The following THADA variants were observed in gnomAD, a reference collection of about 807,000 sequenced individuals.
The protein encoded by THADA is THADA armadillo repeat containing, also known as tRNA (32-2'-O)-methyltransferase regulator THADA.
In THADA, 213 loss-of-function variants were observed where a neutral mutation model predicts 219.8. The ratio of observed to expected loss-of-function variants is 0.97; its 90% confidence interval spans 0.87 to 1.09. THADA has a LOEUF of 1.09. Among genes scored for constraint, THADA ranks in the 50% least tolerant of loss-of-function variants. THADA has a pLI of 0.00. For missense variants in THADA, 2,956 were observed against 2,311.3 expected (o/e 1.28, Z -5.72); for synonymous variants, 1,018 against 828.9 (o/e 1.23, Z -3.92).
chr2:43,504,515 G>T (rs1243546655), intron 24 of THADA, among the ~76,000 whole-genome samples: 1 of 152,158 alleles, frequency 6.6e-6, no homozygotes, highest in Non-Finnish European at 1.5e-5. Flanking sequence ...TGTACTTATC[G>T]TACTTGATTG....
At chr2:43,321,760 A>G (rs1296063078) in intron 30 of THADA, among the ~76,000 whole-genome samples, 1 of 152,240 alleles carries the variant, frequency 6.6e-6, no homozygotes, top group Non-Finnish European at 1.5e-5. Flanking sequence ...AATGTGGCAC[A>G]GTAAACTTAA....
chr2:43,295,072 A>G (rs1005773988), intron 31 of THADA, among the ~76,000 whole-genome samples: 2 of 152,174 alleles, frequency 1.3e-5, no homozygotes, highest in Non-Finnish European at 2.9e-5. Flanking sequence ...CAGCCTGGAC[A>G]ACACTGTGAA....
intron 13 of THADA, among the ~76,000 whole-genome samples, chr2:43,571,379 T>C (rs1407824011): frequency 1.3e-5 from 2 of 150,952 alleles, no homozygotes; most frequent in South Asian, 2.1e-4. Context: ...GCCTCCCAAA[T>C]AGCTAGGACT....
In THADA at chr2:43,567,437, ATGTCCAACATGAAACCC is replaced by A. The variant is rs1175509105; in HGVS notation, c.2188-633_2188-617del. Reference sequence around the variant, plus strand: ...CTGAGGTCAGAAGTTCGAGACCAGCATGTCCAACATGAAACCCTGTCTCTACTAAAAATACAAAAATT... The same window carrying A: ...CTGAGGTCAGAAGTTCGAGACCAGCATGTCTCTACTAAAAATACAAAAATT... On this transcript the variant is annotated intron_variant, in intron 14 of 37. Transcript: ENST00000405975. 1.1e-4 allele frequency among the ~76,000 whole-genome samples: 16 copies of A among 152,164 alleles called. No individual in the cohort carries two copies. The East Asian group carries it at 3.1e-3, about 29-fold the overall frequency.
intron 37 of THADA, among the ~76,000 whole-genome samples, chr2:43,231,990 A>G (rs1379666383): frequency 6.7e-6 from 1 of 148,700 alleles, no homozygotes; most frequent in East Asian, 1.9e-4. Flanking sequence ...CTGTGACTGC[A>G]CCCACCCTGG....
chr2:43,497,049 A>G (rs1455332867), intron 25 of THADA, among the ~76,000 whole-genome samples: 2 of 152,196 alleles, frequency 1.3e-5, no homozygotes, highest in Admixed American at 6.5e-5. Context: ...AGATGCTGGT[A>G]AGGCTGTGGA....
intron 4 of THADA, among the ~76,000 whole-genome samples, chr2:43,589,805 C>T (rs1015939789): frequency 6.6e-6 from 1 of 151,692 alleles, no homozygotes; most frequent in African/African-American, 2.4e-5. Context: ...CAAGTACCAC[C>T]TGTTGCCCAA....
chr2:43,370,622 A>T (rs1313506778), intron 29 of THADA, among the ~76,000 whole-genome samples: 3 of 152,232 alleles, frequency 2.0e-5, no homozygotes, highest in African/African-American at 7.2e-5. Flanking sequence ...TATCCAAAAA[A>T]ATAAAGTTAA....
At chr2:43,567,140 C>G (rs1698785435) in intron 14 of THADA, among the ~76,000 whole-genome samples, 1 of 150,510 alleles carries the variant, frequency 6.6e-6, no homozygotes, top group Non-Finnish European at 1.5e-5. Context: ...CTAGTCTTAA[C>G]TGACTCTACC....
chr2:43,586,823 C>G, intron 5 of THADA, 31 bp downstream of exon 5: 1 of 1,611,856 alleles, frequency 6.2e-7, no homozygotes, highest in Non-Finnish European at 8.5e-7. Context: ...AGGGGTTAGC[C>G]AGAAAAAGGA....
intron 35 of THADA, among the ~76,000 whole-genome samples, chr2:43,281,006 AG>A (rs1200967796): frequency 1.3e-5 from 2 of 152,204 alleles, no homozygotes; most frequent in Admixed American, 1.3e-4. Context: ...CCTCTAGTCC[AG>A]GTGGGGTGGG....
At chr2:43,501,307 C>CAAAAAAAAAAAAAAAAAAAAAA (rs60448094) in intron 24 of THADA, among the ~76,000 whole-genome samples, 1 of 15,042 alleles carries the variant, frequency 6.6e-5, no homozygotes, top group Non-Finnish European at 1.3e-4. Context: ...ACTCCAACTC[C>CAAAAAAAAAAAAAAAAAAAAAA]AAAAAAAAAA....
chr2:43,556,756 C>A (rs960708766), intron 16 of THADA, among the ~76,000 whole-genome samples: 3 of 151,946 alleles, frequency 2.0e-5, no homozygotes, highest in African/African-American at 7.3e-5. Context: ...GAGACCCCAT[C>A]TCAAAAAAAC....
chr2:43,258,230 T>A (rs1160516141), intron 36 of THADA, among the ~76,000 whole-genome samples: 1 of 151,984 alleles, frequency 6.6e-6, no homozygotes, highest in Admixed American at 6.6e-5. Context: ...TAAAAAAAAA[T>A]ATTATTTGTT....
At chr2:43,459,179 G>A (rs1004595673) in intron 26 of THADA, among the ~76,000 whole-genome samples, 2 of 152,164 alleles carry the variant, frequency 1.3e-5, no homozygotes, top group African/African-American at 4.8e-5. Context: ...AAGGTCCCCA[G>A]CTCACTTCAG....
intron 26 of THADA, among the ~76,000 whole-genome samples, chr2:43,450,547 G>A (rs1195125648): frequency 6.6e-6 from 1 of 151,448 alleles, no homozygotes; most frequent in Non-Finnish European, 1.5e-5. Context: ...ACATTTCACA[G>A]CAAAAAATAA....
At chr2:43,335,025 T>G (rs1336220732) in intron 30 of THADA, among the ~76,000 whole-genome samples, 2 of 152,026 alleles carry the variant, frequency 1.3e-5, no homozygotes, top group Non-Finnish European at 2.9e-5. Context: ...TGGGACTGTT[T>G]CAAATGGGGG....
chr2:43,398,021 A>G lies in THADA; in HGVS notation c.4177T>C (p.Cys1393Arg). The change falls in exon 29 of 38, where the codon TGC becomes CGC. Residue 1393 changes from cysteine (C) to arginine (R), a missense_variant. Coordinates refer to ENST00000405975, the MANE Select transcript of THADA (RefSeq NM_022065.5). ...IRTLLSTLPS[C>R]TDQCFRQNHI... The stretch of plus-strand genomic sequence containing the variant: ...TTTTGCCGGAAACACTGGTCAGTGC[A>G]GCTGGGGAGTGTGGACAACAGAGTT... The G allele has an allele frequency of 6.2e-7, 1 of 1,614,020 alleles. No homozygotes were observed. The highest frequency in any genetic ancestry group is 8.5e-7 in the Non-Finnish European group (1 of 1,179,874).
chr2:43,258,447 G>C (rs1236975126), intron 36 of THADA, among the ~76,000 whole-genome samples: 4 of 152,174 alleles, frequency 2.6e-5, no homozygotes, highest in Non-Finnish European at 5.9e-5. Flanking sequence ...GCTTGAGCCT[G>C]GGAGGTGGAG....
Sources: allele counts gnomAD v4.1 joint callset (sites outside exome capture counted in the v4.1 genomes callset), GRCh38; gene constraint gnomAD v4.1.1; transcripts MANE v1.5; gene names NCBI Gene and HGNC (gene_info 2026-07-23, HGNC 2026-07-21).